HMCN1: variants seen among roughly 807,000 people sequenced by gnomAD.
The protein encoded by HMCN1 is hemicentin-1.
Under a neutral mutation model 625.9 loss-of-function variants are expected in HMCN1, and 321 were observed. That is an observed-to-expected ratio of 0.51 (90% CI 0.47 to 0.56). The LOEUF is 0.56. Among genes scored for constraint, HMCN1 ranks in the 20% least tolerant of loss-of-function variants. The probability of loss-of-function intolerance (pLI) is 0.00; values close to 1 mark genes in which losing one functional copy is unlikely to be tolerated. For synonymous variants in HMCN1, 2,425 were observed against 2,417.6 expected (o/e 1.00, Z -0.09); for missense variants, 6,588 against 6,887.3 (o/e 0.96, Z 1.54).
intron 4 of HMCN1, among the ~76,000 whole-genome samples, chr1:185,901,625 T>A (rs912677177): frequency 2.6e-5 from 4 of 151,814 alleles, no homozygotes; most frequent in Non-Finnish European, 4.4e-5. Flanking sequence ...ATGGTAGCCA[T>A]CAAAACAATG....
chr1:185,982,124 C>A (rs1651682808), intron 17 of HMCN1, 138 bp from the exon 18 acceptor site: 4 of 841,552 alleles, frequency 4.8e-6, no homozygotes, highest in Non-Finnish European at 8.2e-6. Flanking sequence ...AAAATCATAC[C>A]CATTTTCATG....
intron 11 of HMCN1, among the ~76,000 whole-genome samples, chr1:185,942,238 T>A (rs73062467): frequency 0.012 from 1,813 of 151,782 alleles, 33 homozygotes; most frequent in African/African-American, 0.042. Context: ...TATGAATGAC[T>A]TAATAAGTAA....
At chr1:186,171,642 C>T (rs1652239857) in intron 101 of HMCN1, among the ~76,000 whole-genome samples, 192 bp downstream of exon 101, 1 of 151,976 alleles carries the variant, frequency 6.6e-6, no homozygotes, top group South Asian at 2.1e-4. Context: ...TAATTACATA[C>T]CCATTCTTCA....
chr1:185,770,674 G>A (rs935973426), intron 1 of HMCN1, among the ~76,000 whole-genome samples: 3 of 152,122 alleles, frequency 2.0e-5, no homozygotes, highest in Admixed American at 1.3e-4. Flanking sequence ...CTAAGTTATG[G>A]CAGTGTGAGA....
chr1:186,100,510 T>C (rs557098514), intron 68 of HMCN1, among the ~76,000 whole-genome samples: 3 of 152,280 alleles, frequency 2.0e-5, no homozygotes, highest in Admixed American at 6.5e-5. Flanking sequence ...GGCCAGGTCA[T>C]AGAGCACTTT....
intron 30 of HMCN1, among the ~76,000 whole-genome samples, chr1:186,013,045 T>C (rs1654103671): frequency 6.6e-6 from 1 of 151,208 alleles, no homozygotes; most frequent in Non-Finnish European, 1.5e-5. Flanking sequence ...GTGATATGCA[T>C]AGCATAAAAA....
chr1:186,179,416 C>G (rs1347780973), intron 104 of HMCN1, among the ~76,000 whole-genome samples: 14 of 152,192 alleles, frequency 9.2e-5, no homozygotes. Context: ...TAATTTCCCA[C>G]TTAAGAATTG....
At chr1:186,057,540 G>T in intron 46 of HMCN1, 139 bp downstream of exon 46, 1 of 646,068 alleles carries the variant, frequency 1.5e-6, no homozygotes, top group South Asian at 1.8e-5. Context: ...ATCATATTAA[G>T]AAAAAATATT....
intron 25 of HMCN1, among the ~76,000 whole-genome samples, 168 bp downstream of exon 25, chr1:185,997,692 AT>A (rs924437753): frequency 1.3e-5 from 2 of 151,716 alleles, no homozygotes; most frequent in Non-Finnish European, 2.9e-5. Flanking sequence ...TTGAATAAGT[AT>A]TTTTTTTCCT....
Position 186,114,838 on chromosome 1 carries a change from G to T in HMCN1, c.11296G>T (p.Gly3766Ter). ...NHARYSILEN[G>*]FLHIQSAHVT... ...TTGTAGATATTCCATCTTGGAAAAT[G>T]GATTCCTTCATATTCAATCAGCACA... is the stretch of plus-strand genomic sequence containing the variant. Residue 3766 changes from glycine (G) to a stop codon, truncating the protein, a stop_gained, in exon 74 of 107, where the codon GGA becomes TGA. Transcript: ENST00000271588. LOFTEE classifies it high-confidence loss of function. 1 of 1,614,074 alleles carries T rather than the reference G, an allele frequency of 6.2e-7. No individual in the cohort carries two copies. The highest frequency in any genetic ancestry group is 8.5e-7 in the Non-Finnish European group (1 of 1,179,962).
intron 68 of HMCN1, among the ~76,000 whole-genome samples, chr1:186,099,557 C>T (rs1377677589): frequency 1.3e-5 from 2 of 152,052 alleles, no homozygotes. Context: ...AAGATATGAT[C>T]TCAGCCCTCA....
chr1:186,041,404 C>T (rs1389175457), intron 40 of HMCN1, among the ~76,000 whole-genome samples: 2 of 152,126 alleles, frequency 1.3e-5, no homozygotes, highest in Admixed American at 6.6e-5. Context: ...GACTGGATAG[C>T]AGCTCTGCCA....
chr1:186,079,675 A>G (rs996740966), intron 55 of HMCN1, among the ~76,000 whole-genome samples: 45 of 152,284 alleles, frequency 3.0e-4, no homozygotes, highest in African/African-American at 1.0e-3. Context: ...AGTTGATAAT[A>G]TAGGTAGGGA....
chr1:185,894,987 G>A (rs916496925), intron 4 of HMCN1, among the ~76,000 whole-genome samples: 7 of 151,822 alleles, frequency 4.6e-5, no homozygotes, highest in Admixed American at 6.5e-5. Flanking sequence ...AGTCTCTAGA[G>A]TTATCAATTT....
chr1:186,057,725 T>A (rs754716614), intron 46 of HMCN1, among the ~76,000 whole-genome samples: 2 of 152,020 alleles, frequency 1.3e-5, no homozygotes, highest in Non-Finnish European at 2.9e-5. Flanking sequence ...TGAAATTGAA[T>A]TCAAATTCTA....
intron 1 of HMCN1, among the ~76,000 whole-genome samples, chr1:185,792,723 G>A (rs1394857253): frequency 6.6e-6 from 1 of 152,062 alleles, no homozygotes; most frequent in African/African-American, 2.4e-5. Context: ...GCTCACAATC[G>A]CTTCTTGGTC....
Position 186,053,104 on chromosome 1 carries a change from T to C in HMCN1, c.6700+30T>C, listed in dbSNP as rs545795827. ...GTTTTCATCCTTGAAATTTATAAAA[T>C]TAAAGAAAATATAAGATGGATATTG... On this transcript the variant is annotated intron_variant, in intron 43 of 106. Coordinates refer to ENST00000271588, the MANE Select transcript of HMCN1 (RefSeq NM_031935.3). 718 of 1,570,346 alleles carry C rather than the reference T, an allele frequency of 4.6e-4. 8 individuals carry two copies. In the South Asian group the frequency reaches 7.7e-3, roughly 17 times the overall value.
At chr1:185,948,949 C>G (rs1401418750) in intron 11 of HMCN1, among the ~76,000 whole-genome samples, 5 of 151,666 alleles carry the variant, frequency 3.3e-5, no homozygotes, top group East Asian at 3.9e-4. Context: ...TTAGAAGAAG[C>G]ATTTGTCGTA....
chr1:185,919,289 A>G (rs1666886193), intron 6 of HMCN1, among the ~76,000 whole-genome samples: 2 of 151,916 alleles, frequency 1.3e-5, no homozygotes, highest in African/African-American at 2.4e-5. Context: ...TGAGACTCCA[A>G]AGTCTTCTCC....
Sources: gnomAD v4.1 joint callset for allele counts (sites outside exome capture counted in the v4.1 genomes callset) on GRCh38, gnomAD v4.1.1 for gene constraint, MANE v1.5 for transcripts, NCBI Gene and HGNC (gene_info 2026-07-23, HGNC 2026-07-21) for gene names.